Variants in ALG13 observed in about 807,000 individuals in gnomAD.
The protein encoded by ALG13 is ALG13 UDP-N-acetylglucosaminyltransferase subunit.
Under a neutral mutation model 87.8 loss-of-function variants are expected in ALG13, and 11 were observed. The ratio of observed to expected loss-of-function variants is 0.13; its 90% confidence interval spans 0.08 to 0.21. The LOEUF (loss-of-function observed/expected upper bound fraction) is 0.21, where lower values mean the gene tolerates loss of function less well. Ranked by LOEUF, ALG13 falls within the 10% of genes least tolerant of loss-of-function variation. ALG13 has a pLI of 1.00. For synonymous variants in ALG13, 320 were observed against 306.3 expected, an observed-to-expected ratio of 1.04 and a Z score of -0.47; for missense variants, 756 against 866.1, an observed-to-expected ratio of 0.87 and a Z score of 1.60.
In ALG13 at chrX:111,728,212, C is replaced by T; in HGVS notation, c.2275C>T (p.Pro759Ser). 8.3e-7 allele frequency: 1 copy of T among 1,211,071 alleles called. No individual in the cohort carries two copies. Among genetic ancestry groups the T allele is most frequent in the Middle Eastern group, 2.3e-4 (1 of 4,323 alleles). Residue 759 changes from proline (P) to serine (S), a missense_variant, in exon 19 of 27, where the codon CCT becomes TCT. Around this residue, in one of 9 missense-constraint regions of ALG13, gnomAD observed 362 missense variants for 383.5 expected, o/e 0.94. Coordinates refer to ENST00000394780, the MANE Select transcript of ALG13 (RefSeq NM_001099922.3). ...TCATGGAGGTCCCTCTACAATGGTT[C>T]CTGCTACTTCAGGATACTGTGTTGG... The part of the protein sequence containing the change: ...PNHGGPSTMV[P>S]ATSGYCVGRR...
rs150859342 is a variant in ALG13, at chrX:111,748,817, T to A, written c.2932+3913T>A. 9.7e-3 allele frequency among the ~76,000 whole-genome samples: 1,078 copies of A among 111,532 alleles called. 14 individuals carry two copies. Among genetic ancestry groups the A allele is most frequent in the African/African-American group, 0.034 (1,029 of 30,639 alleles). ...TAAGCAACTGGCCGGGCATGGTGGCTGGCACCTGTAATCCTAACACTTTCG... is the reference window on the plus strand; with the variant it reads ...TAAGCAACTGGCCGGGCATGGTGGCAGGCACCTGTAATCCTAACACTTTCG... On this transcript the variant is annotated intron_variant, in intron 24 of 26. Coordinates refer to ENST00000394780, the MANE Select transcript of ALG13 (RefSeq NM_001099922.3).
intron 8 of ALG13, among the ~76,000 whole-genome samples, chrX:111,714,804 G>A (rs1940326633): frequency 9.0e-6 from 1 of 111,409 alleles, no homozygotes; most frequent in Non-Finnish European, 1.9e-5. Context: ...GTAAATTTCA[G>A]ACACCAGAAA....
intron 23 of ALG13, among the ~76,000 whole-genome samples, chrX:111,742,841 C>T (rs975402632): frequency 1.8e-5 from 2 of 112,355 alleles, no homozygotes; most frequent in Non-Finnish European, 3.8e-5. Context: ...TGGGGGAAAT[C>T]AGCATTCTGA....
At chrX:111,752,389 TA>T (rs1944830943) in intron 24 of ALG13, among the ~76,000 whole-genome samples, 1 of 111,703 alleles carries the variant, frequency 9.0e-6, no homozygotes, top group African/African-American at 3.3e-5. Context: ...ATTACATTGA[TA>T]TCTTAATAAT....
chrX:111,731,813 G>A (rs756730958), intron 21 of ALG13, among the ~76,000 whole-genome samples: 1 of 111,881 alleles, frequency 8.9e-6, no homozygotes, highest in Non-Finnish European at 1.9e-5. Flanking sequence ...CTGTCTATTT[G>A]ATTGCAAGTG....
intron 19 of ALG13, among the ~76,000 whole-genome samples, chrX:111,729,726 G>A (rs5985639): frequency 0.22 from 24,283 of 111,334 alleles, 6,329 homozygotes; most frequent in African/African-American, 0.75. Flanking sequence ...CTGCATTTCA[G>A]TGGTACAGAA....
intron 3 of ALG13, among the ~76,000 whole-genome samples, chrX:111,690,825 A>G (rs1936005580): frequency 9.0e-6 from 1 of 111,261 alleles, no homozygotes; most frequent in Non-Finnish European, 1.9e-5. Flanking sequence ...TTGCCACTTT[A>G]ATATTTAGTT....
At chrX:111,689,742 C>T (rs1170710948) in intron 3 of ALG13, 3 of 727,342 alleles carry the variant, frequency 4.1e-6, no homozygotes, top group Non-Finnish European at 4.9e-6. Flanking sequence ...GGAGCAGCTC[C>T]TTGATTCCCA....
At chrX:111,684,008 C>T (rs1366824950) in intron 2 of ALG13, among the ~76,000 whole-genome samples, 1 of 111,752 alleles carries the variant, frequency 8.9e-6, no homozygotes, top group African/African-American at 3.3e-5. Context: ...TCCAGATGGC[C>T]CATCGTACAA....
chrX:111,730,351 G>A (rs1435829007), intron 19 of ALG13, 44 bp from the exon 20 acceptor site: 1 of 1,171,787 alleles, frequency 8.5e-7, no homozygotes, highest in East Asian at 3.0e-5. Context: ...GAGCTAAAAA[G>A]ACCTATATAA....
rs138757173 is a variant in ALG13 at position 111,742,729 on chromosome X, G to C, written c.2696-1939G>C. Among the ~76,000 whole-genome samples the C allele has an allele frequency of 3.6e-4, 40 of 112,226 alleles. 1 individual carries two copies. The East Asian group carries it at 0.011, about 30-fold the overall frequency. ...CACTGGAGCATCTCACCACACCTTGGCCTTGGCCCTGGTCTGTGATTTCTA... is the reference window on the plus strand; with the variant it reads ...CACTGGAGCATCTCACCACACCTTGCCCTTGGCCCTGGTCTGTGATTTCTA... On this transcript the variant is annotated intron_variant, in intron 23 of 26. Transcript: ENST00000394780.
intron 3 of ALG13, chrX:111,688,697 C>CA: frequency 1.3e-6 from 1 of 749,700 alleles, no homozygotes; most frequent in Non-Finnish European, 1.6e-6. Flanking sequence ...GATCTCCTCT[C>CA]ACAGTGGTAA....
At chrX:111,692,834 T>C (rs148620343) in intron 3 of ALG13, among the ~76,000 whole-genome samples, 151 of 111,980 alleles carry the variant, frequency 1.3e-3, no homozygotes, top group Middle Eastern at 4.6e-3. Context: ...GGTCTCTCTG[T>C]CACCGAGGCT....
chrX:111,704,088 C>T (rs1479974373), intron 3 of ALG13, among the ~76,000 whole-genome samples: 1 of 111,498 alleles, frequency 9.0e-6, no homozygotes, highest in Non-Finnish European at 1.9e-5. Flanking sequence ...ACACAAATGG[C>T]CAATAAGCAG....
chrX:111,692,043 G>A (rs1936243993), intron 3 of ALG13, among the ~76,000 whole-genome samples: 1 of 111,076 alleles, frequency 9.0e-6, no homozygotes, highest in Non-Finnish European at 1.9e-5. Flanking sequence ...ATTTCCAATT[G>A]CCTTTGGCCC....
chrX:111,695,252 G>A (rs375428010), intron 3 of ALG13, among the ~76,000 whole-genome samples: 5 of 111,420 alleles, frequency 4.5e-5, no homozygotes, highest in Non-Finnish European at 7.5e-5. Flanking sequence ...TGCTGGGCGC[G>A]GGGGCTCATG....
In ALG13 at chrX:111,759,717, T is replaced by A. The variant is rs1333195712; in HGVS notation, c.3149-17T>A. 2 of 1,185,839 alleles carry A rather than the reference T, an allele frequency of 1.7e-6. No individual in the cohort carries two copies. The highest frequency in any genetic ancestry group is 2.3e-6 in the Non-Finnish European group (2 of 880,294). On this transcript the variant is annotated splice_polypyrimidine_tract_variant and intron_variant, in intron 26 of 26. Transcript: ENST00000394780. Reference sequence around the variant, plus strand: ...ATTTTTGTATATAAAGTAGACTGTATACATCCTTTCTTTCAGATACTTTTC... The same window carrying A: ...ATTTTTGTATATAAAGTAGACTGTAAACATCCTTTCTTTCAGATACTTTTC...
intron 21 of ALG13, among the ~76,000 whole-genome samples, chrX:111,731,995 G>C (rs981414396): frequency 9.0e-6 from 1 of 111,496 alleles, no homozygotes; most frequent in African/African-American, 3.3e-5. Context: ...TTGCTGCGAG[G>C]TCGAGTTTTC....
chrX:111,711,000 A>G (rs1939686536), intron 5 of ALG13: 1 of 112,651 alleles, frequency 8.9e-6, no homozygotes, highest in South Asian at 3.6e-4. Context: ...CCCAGCCTGT[A>G]TGTCATTTAT....
Sources: gnomAD v4.1 joint callset for allele counts (sites outside exome capture counted in the v4.1 genomes callset) on GRCh38, gnomAD v4.1.1 for gene constraint, gnomAD v4.1.1 regional missense constraint, MANE v1.5 for transcripts, NCBI Gene and HGNC (gene_info 2026-07-23, HGNC 2026-07-21) for gene names.